Variants in MYO18B observed in about 807,000 individuals in gnomAD.
MYO18B encodes the protein myosin XVIIIB.
A neutral mutation model predicts 273.0 loss-of-function variants in MYO18B; 204 were observed. The ratio of observed to expected loss-of-function variants is 0.75; its 90% CI spans 0.67 to 0.84. The LOEUF (loss-of-function observed/expected upper bound fraction) is 0.84. Ranked by LOEUF, MYO18B falls within the 40% of genes least tolerant of loss-of-function variation. MYO18B has a pLI of 0.00. For synonymous variants in MYO18B, 1,330 were observed against 1,305.7 expected, an observed-to-expected ratio of 1.02 and a Z score of -0.40; for missense variants, 3,212 against 3,287.6, an observed-to-expected ratio of 0.98 and a Z score of 0.56.
At chr22:25,753,105 C>T (rs906161372) in intron 1 of MYO18B, among the ~76,000 whole-genome samples, 3 of 152,202 alleles carry the variant, frequency 2.0e-5, no homozygotes, top group African/African-American at 4.8e-5. Flanking sequence ...GGATCGCGCG[C>T]GGCCAGAGCC....
the MYO18B span, among the ~76,000 whole-genome samples, chr22:26,056,871 C>G: frequency 6.6e-6 from 1 of 152,296 alleles, no homozygotes; most frequent in South Asian, 2.1e-4. Flanking sequence ...GCGCTCACTG[C>G]TACATAATGA....
intron 12 of MYO18B, among the ~76,000 whole-genome samples, chr22:25,798,388 A>G: frequency 6.6e-6 from 1 of 152,152 alleles, no homozygotes; most frequent in East Asian, 1.9e-4. Context: ...GAACACTTAT[A>G]TATAGTAGTG....
Position 25,890,830 on chromosome 22 carries a change from G to A in MYO18B, c.4389G>A (p.Glu1463=). ...TGGCCTGCCAGGTGCTGGAGAGTGA[G>A]CGGGCAGAGCGGCTACAGGCCTTCC... is the stretch of plus-strand genomic sequence containing the variant. ...GDVACQVLES[E]RAERLQAFRE... The change falls in exon 26 of 44, where the codon GAG becomes GAA. Residue 1463 remains glutamate, a synonymous_variant. Coordinates refer to ENST00000335473, the MANE Select transcript of MYO18B (RefSeq NM_032608.7). 3 of 1,613,974 alleles carry A rather than the reference G, an allele frequency of 1.9e-6. No homozygotes were observed. Among genetic ancestry groups the A allele is most frequent in the Non-Finnish European group, 1.7e-6 (2 of 1,179,884 alleles).
At chr22:26,023,476 C>CCCT (rs138330824) in intron 42 of MYO18B, among the ~76,000 whole-genome samples, 94,366 of 148,884 alleles carry the variant, frequency 0.63, 30,735 homozygotes, top group Middle Eastern at 0.78. Context: ...TCTTCCTCCT[C>CCCT]CCTCCTCCTC....
rs766949688 is a variant in MYO18B, at chr22:25,876,340, T to G, written c.4224+8T>G. ...CAGCTCCGAGCCAAGGAGGTCAGTC[T>G]ATGTGGCAGGCAGGGTGCTGGGTGG... On this transcript the variant is annotated splice_region_variant and intron_variant, in intron 24 of 43. Transcript: ENST00000335473. The G allele has an allele frequency of 1.9e-6, 3 of 1,603,840 alleles. No individual in the cohort carries two copies. The African/African-American group carries it at 4.0e-5, about 21-fold the overall frequency.
chr22:25,830,285 T>G (rs2089658053), intron 15 of MYO18B, among the ~76,000 whole-genome samples: 1 of 152,100 alleles, frequency 6.6e-6, no homozygotes, highest in Admixed American at 6.5e-5. Context: ...TTTTTTTACG[T>G]GGAAAACAGA....
At chr22:25,774,300 C>T (rs371176261) in intron 7 of MYO18B, among the ~76,000 whole-genome samples, 24 of 152,278 alleles carry the variant, frequency 1.6e-4, no homozygotes, top group South Asian at 1.2e-3. Context: ...TCTGGGTGGG[C>T]CAGAGCTTGG....
chr22:25,933,386 A>G (rs575595207), intron 34 of MYO18B, among the ~76,000 whole-genome samples: 51 of 152,242 alleles, frequency 3.3e-4, no homozygotes, highest in African/African-American at 1.1e-3. Flanking sequence ...AGTTCTCAAA[A>G]GCCAACTGGT....
intron 41 of MYO18B, among the ~76,000 whole-genome samples, chr22:26,004,014 G>A (rs1934207304): frequency 6.6e-6 from 1 of 151,424 alleles, no homozygotes; most frequent in African/African-American, 2.4e-5. Flanking sequence ...TTGAGGGACA[G>A]GGTCAATGTT....
intron 37 of MYO18B, among the ~76,000 whole-genome samples, chr22:25,950,824 A>G (rs2092784712): frequency 6.6e-6 from 1 of 152,084 alleles, no homozygotes; most frequent in Non-Finnish European, 1.5e-5. Flanking sequence ...CGCCCTTCTC[A>G]GTCTCCCAAA....
the MYO18B span, among the ~76,000 whole-genome samples, chr22:26,039,296 C>T: frequency 6.6e-6 from 1 of 152,206 alleles, no homozygotes; most frequent in South Asian, 2.1e-4. Context: ...ACCTGTCTTG[C>T]CTGCCTCTGC....
chr22:25,851,617 A>AT (rs1196510476), intron 21 of MYO18B, 38 bp downstream of exon 21: 1 of 1,383,130 alleles, frequency 7.2e-7, no homozygotes, highest in Admixed American at 2.0e-5. Context: ...AAGGCCCTAG[A>AT]TATGGATATG....
chr22:25,913,268 T>A lies in MYO18B; in HGVS notation c.5364+2218T>A, dbSNP rs193301654. Reference sequence around the variant, plus strand: ...ACCAACATGTGGCACTGTCAGACATTTTTAAACATTTTTTCCAGGCATCGG... The same window carrying A: ...ACCAACATGTGGCACTGTCAGACATATTTAAACATTTTTTCCAGGCATCGG... On this transcript the variant is annotated intron_variant, in intron 33 of 43. Transcript: ENST00000335473. Among the ~76,000 whole-genome samples the A allele has an allele frequency of 3.9e-3, 591 of 152,358 alleles. 11 individuals carry two copies. The highest frequency in any genetic ancestry group is 1.1e-3 in the Non-Finnish European group (73 of 68,028).
intron 1 of MYO18B, among the ~76,000 whole-genome samples, chr22:25,758,325 T>A (rs1261202810): frequency 6.6e-6 from 1 of 151,832 alleles, no homozygotes; most frequent in Non-Finnish European, 1.5e-5. Flanking sequence ...AAGTTTTTTT[T>A]TTTTTTTTGA....
chr22:25,879,939 A>G (rs1015179539), intron 25 of MYO18B, among the ~76,000 whole-genome samples: 1 of 152,260 alleles, frequency 6.6e-6, no homozygotes, highest in Middle Eastern at 3.4e-3. Context: ...ACTCACTATC[A>G]CTAGAACAGC....
intron 21 of MYO18B, 128 bp downstream of exon 21, chr22:25,851,707 G>A: frequency 1.4e-6 from 1 of 717,016 alleles, no homozygotes; most frequent in Non-Finnish European, 2.4e-6. Context: ...ATACCCAGGT[G>A]GGTGGATCAC....
At chr22:25,980,552 AATAG>A in intron 39 of MYO18B, among the ~76,000 whole-genome samples, 1 of 152,272 alleles carries the variant, frequency 6.6e-6, no homozygotes, top group Admixed American at 6.5e-5. Context: ...GCGTGAGTCA[AATAG>A]ATGTTATCTA....
intron 6 of MYO18B, among the ~76,000 whole-genome samples, chr22:25,771,391 A>G (rs2086714883): frequency 6.6e-6 from 1 of 152,210 alleles, no homozygotes; most frequent in Admixed American, 6.5e-5. Flanking sequence ...GCTGCTTGCC[A>G]TTAACCATAG....
intron 21 of MYO18B, among the ~76,000 whole-genome samples, chr22:25,861,769 AC>A (rs750748063): frequency 6.0e-5 from 9 of 151,050 alleles, no homozygotes; most frequent in East Asian, 5.8e-4. Context: ...CCATTTGAAC[AC>A]CCCTTCTAGT....
Sources: gnomAD v4.1 joint callset for allele counts (sites outside exome capture counted in the v4.1 genomes callset) on GRCh38, gnomAD v4.1.1 for gene constraint, MANE v1.5 for transcripts, NCBI Gene and HGNC (gene_info 2026-07-23, HGNC 2026-07-21) for gene names.